LIMCH1: variants seen among roughly 807,000 people sequenced by gnomAD.
LIMCH1 encodes LIM and calponin homology domains 1.
A neutral mutation model predicts 176.5 loss-of-function variants in LIMCH1; 113 were observed. That is an observed-to-expected ratio of 0.64 (90% CI 0.55 to 0.75). The LOEUF (loss-of-function observed/expected upper bound fraction) is 0.75, where lower values mean the gene tolerates loss of function less well. LIMCH1 is among the 30% of genes least tolerant of loss of function. The pLI is 0.00. For synonymous variants in LIMCH1, 619 were observed against 645.9 expected (o/e 0.96, Z 0.63); for missense variants, 1,674 against 1,814.9 (o/e 0.92, Z 1.41).
intron 1 of LIMCH1, among the ~76,000 whole-genome samples, chr4:41,419,646 C>A (rs2060362688): frequency 1.6e-5 from 1 of 61,342 alleles, no homozygotes; most frequent in African/African-American, 1.2e-4. Flanking sequence ...TCCTTCCTTT[C>A]TTCCTCCTTC....
intron 22 of LIMCH1, among the ~76,000 whole-genome samples, chr4:41,673,417 A>AT (rs535470145): frequency 1.8e-4 from 28 of 152,238 alleles, no homozygotes; most frequent in South Asian, 1.4e-3. Flanking sequence ...TTTAAGGAAA[A>AT]TAGAATAAGA....
chr4:41,570,102 C>T (rs945435468), intron 1 of LIMCH1, among the ~76,000 whole-genome samples: 8 of 152,182 alleles, frequency 5.3e-5, no homozygotes, highest in African/African-American at 1.9e-4. Flanking sequence ...ATGAGTGTCA[C>T]CATGTGTCTC....
At chr4:41,691,491 A>G (rs184505766) in intron 30 of LIMCH1, among the ~76,000 whole-genome samples, 14 of 152,118 alleles carry the variant, frequency 9.2e-5, no homozygotes, top group Non-Finnish European at 1.8e-4. Context: ...TCATGCCTGT[A>G]ATCCCAGCAC....
At chr4:41,447,590 C>A (rs539812630) in intron 1 of LIMCH1, among the ~76,000 whole-genome samples, 11 of 152,140 alleles carry the variant, frequency 7.2e-5, no homozygotes, top group Non-Finnish European at 5.9e-5. Context: ...ATATGTTAAT[C>A]GTCACATCTT....
chr4:41,396,897 C>CA lies in LIMCH1; in HGVS notation c.96+35972dup, dbSNP rs200239406. ...CCTGGGTGACAGAGCAAGACTGTCTCAAAAAAAAAAATAAATAAATAAAAA... is the reference window on the plus strand; with the variant it reads ...CCTGGGTGACAGAGCAAGACTGTCTCAAAAAAAAAAAATAAATAAATAAAAA... On this transcript the variant is annotated intron_variant, in intron 1 of 26. Transcript: ENST00000313860. 8.1e-3 allele frequency among the ~76,000 whole-genome samples: 1,159 copies of CA among 142,574 alleles called. 13 individuals are homozygous for CA. Among genetic ancestry groups the CA allele is most frequent in the African/African-American group, 0.026 (976 of 37,618 alleles). The allele number at this position is 142,574 out of a possible 152,430, so 93.5% of individuals were successfully genotyped here. A position where few individuals can be genotyped will look rare whatever the true frequency, so the allele number is the denominator to read the frequency against.
intron 3 of LIMCH1, among the ~76,000 whole-genome samples, chr4:41,526,050 G>T (rs1172391854): frequency 1.3e-5 from 2 of 152,108 alleles, no homozygotes; most frequent in African/African-American, 2.4e-5. Flanking sequence ...AAAATTAACT[G>T]TTAGGGGCAC....
chr4:41,368,437 T>A (rs2053446650), intron 1 of LIMCH1, among the ~76,000 whole-genome samples: 1 of 152,118 alleles, frequency 6.6e-6, no homozygotes, highest in South Asian at 2.1e-4. Context: ...AATACATATA[T>A]AATTACGATT....
At chr4:41,655,095 A>G (rs2094427346) in intron 18 of LIMCH1, among the ~76,000 whole-genome samples, 1 of 152,146 alleles carries the variant, frequency 6.6e-6, no homozygotes, top group Non-Finnish European at 1.5e-5. Flanking sequence ...TGTCTCCCCC[A>G]AAGCTATTCC....
intron 3 of LIMCH1, among the ~76,000 whole-genome samples, chr4:41,529,993 T>C (rs1282560144): frequency 3.3e-5 from 5 of 152,196 alleles, no homozygotes; most frequent in Non-Finnish European, 7.4e-5. Flanking sequence ...AGATAAGATT[T>C]CAAATATGGT....
At chr4:41,390,269 A>AGAGAGAGAGAGAGAGAGAGAGAGAGAGC (rs760332127) in intron 1 of LIMCH1, among the ~76,000 whole-genome samples, 2 of 150,304 alleles carry the variant, frequency 1.3e-5, no homozygotes, top group African/African-American at 2.5e-5. Context: ...AGAGAGAGAG[A>AGAGAGAGAGAGAGAGAGAGAGAGAGAGC]GAGAGCGAGA....
chr4:41,541,969 CA>C (rs1475608647), intron 1 of LIMCH1, among the ~76,000 whole-genome samples: 5 of 152,172 alleles, frequency 3.3e-5, no homozygotes, highest in Admixed American at 6.5e-5. Context: ...GGGCCCACCC[CA>C]GGTCCGACAT....
At chr4:41,467,724 A>G (rs1324105689) in intron 1 of LIMCH1, among the ~76,000 whole-genome samples, 3 of 152,194 alleles carry the variant, frequency 2.0e-5, no homozygotes, top group Non-Finnish European at 4.4e-5. Flanking sequence ...GATCTGGCAC[A>G]TGGTCCTTAT....
intron 14 of LIMCH1, among the ~76,000 whole-genome samples, chr4:41,642,313 A>ATT (rs35211960): frequency 3.5e-4 from 53 of 150,142 alleles, no homozygotes; most frequent in African/African-American, 1.2e-3. Flanking sequence ...TAAAAGTAAG[A>ATT]TTTTTTTTTT....
intron 1 of LIMCH1, among the ~76,000 whole-genome samples, chr4:41,452,912 T>G (rs1484950398): frequency 1.3e-5 from 2 of 152,226 alleles, no homozygotes; most frequent in Non-Finnish European, 2.9e-5. Flanking sequence ...AAGATCTTCC[T>G]CATCTTTGCA....
At chr4:41,571,360 GA>G (rs1326049119) in intron 1 of LIMCH1, among the ~76,000 whole-genome samples, 1 of 152,150 alleles carries the variant, frequency 6.6e-6, no homozygotes, top group Non-Finnish European at 1.5e-5. Context: ...CGGAGCAGGG[GA>G]AAGGAGACGG....
At chr4:41,402,720 G>A (rs1362070969) in intron 1 of LIMCH1, among the ~76,000 whole-genome samples, 25 of 145,962 alleles carry the variant, frequency 1.7e-4, no homozygotes, top group South Asian at 2.2e-4. Context: ...GTAAACTATC[G>A]CAAGGACAAA....
intron 2 of LIMCH1, among the ~76,000 whole-genome samples, chr4:41,505,614 A>T (rs540939439): frequency 4.6e-5 from 7 of 152,280 alleles, no homozygotes; most frequent in African/African-American, 1.4e-4. Flanking sequence ...GCTGTTCCAG[A>T]ACCTTCTAGG....
rs200075748 is a variant in LIMCH1 at position 41,636,568 on chromosome 4, ATTC to A, written c.2091-2361_2091-2359del. Among the ~76,000 whole-genome samples, 1,013 of 151,630 alleles carry A rather than the reference ATTC, an allele frequency of 6.7e-3. 15 individuals are homozygous for A. The highest frequency in any genetic ancestry group is 0.023 in the African/African-American group (947 of 41,416). On this transcript the variant is annotated intron_variant, in intron 13 of 31. Coordinates refer to ENST00000503057, the MANE Select transcript of LIMCH1 (RefSeq NM_001330672.2). ...GAAGGTTATCTTCGGAAACTGGGCT[ATTC>A]TTTTCTCTTCAATTTCTAGAGCACC...
At chr4:41,549,950 C>T (rs1224780848) in intron 1 of LIMCH1, among the ~76,000 whole-genome samples, 1 of 151,858 alleles carries the variant, frequency 6.6e-6, no homozygotes, top group African/African-American at 2.4e-5. Flanking sequence ...TCAAAGAATG[C>T]TGTCTGAATT....
Sources: allele counts gnomAD v4.1 joint callset (sites outside exome capture counted in the v4.1 genomes callset), GRCh38; gene constraint gnomAD v4.1.1; transcripts MANE v1.5; gene names NCBI Gene and HGNC (gene_info 2026-07-23, HGNC 2026-07-21).